SMARCA2: variants seen among roughly 807,000 people sequenced by gnomAD.
SMARCA2 encodes the protein SWI/SNF-related matrix-associated actin-dependent regulator of chromatin subfamily A member 2.
Under a neutral mutation model 199.8 loss-of-function variants are expected in SMARCA2, and 61 were observed. That is an observed-to-expected ratio of 0.31 (90% confidence interval 0.25 to 0.38). SMARCA2 has a LOEUF of 0.38. SMARCA2 is among the 10% of genes least tolerant of loss of function. SMARCA2 has a pLI of 1.00. For synonymous variants in SMARCA2, 935 were observed against 732.0 expected (o/e 1.28, Z -4.48); for missense variants, 1,344 against 2,012.2 (o/e 0.67, Z 6.35).
In SMARCA2 at chr9:2,081,818, A is replaced by T. The variant is rs1390156265; in HGVS notation, c.2185-14A>T. On this transcript the variant is annotated splice_polypyrimidine_tract_variant and intron_variant, in intron 14 of 33. Transcript: ENST00000349721. The stretch of plus-strand genomic sequence containing the variant: ...CAGATCTTGGATAATTGAAGCAATT[A>T]CTCTTCATTTCAGCTCCAGGGCCTG... 2 of 1,611,660 alleles carry T rather than the reference A, an allele frequency of 1.2e-6. No homozygotes were observed. The highest frequency in any genetic ancestry group is 1.7e-6 in the Non-Finnish European group (2 of 1,178,476).
At position 2,186,078 on chromosome 9, in the gene SMARCA2, G is replaced by T. The variant is rs2129940248; in HGVS notation, c.4462-18G>T. On this transcript the variant is annotated intron_variant, in intron 31 of 33. Coordinates refer to ENST00000349721, the MANE Select transcript of SMARCA2 (RefSeq NM_003070.5). ...AACTCAGCTTGCAGTTTTAACAGATGCCCCTTTGACCATTTAGATCTATGA... is the reference window on the plus strand; with the variant it reads ...AACTCAGCTTGCAGTTTTAACAGATTCCCCTTTGACCATTTAGATCTATGA... 6.2e-7 allele frequency: 1 copy of T among 1,611,084 alleles called. No homozygotes were observed. Among genetic ancestry groups the T allele is most frequent in the East Asian group, 2.2e-5 (1 of 44,768 alleles).
At position 2,067,580 on chromosome 9, in the gene SMARCA2, C is replaced by T. The variant is rs962175144; in HGVS notation, c.1693-2838C>T. Among the ~76,000 whole-genome samples, 25 of 152,134 alleles carry T rather than the reference C, an allele frequency of 1.6e-4. 1 individual carries two copies. Among genetic ancestry groups the T allele is most frequent in the Admixed American group, 1.3e-3 (20 of 15,278 alleles). The stretch of plus-strand genomic sequence containing the variant: ...AATAGTGACCCAGTCCTGCAGAAGC[C>T]CTAGGAAGCAGGCACTGTTTGTTAC... On this transcript the variant is annotated intron_variant, in intron 9 of 33. Transcript: ENST00000349721.
intron 27 of SMARCA2, among the ~76,000 whole-genome samples, chr9:2,136,966 C>T (rs59776351): frequency 0.074 from 11,204 of 152,174 alleles, 1,373 homozygotes; most frequent in African/African-American, 0.26. Flanking sequence ...GGGCCACTGC[C>T]TCTTTGGCCA....
intron 6 of SMARCA2, among the ~76,000 whole-genome samples, chr9:2,055,989 TCAGATG>T (rs1820336469): frequency 6.6e-6 from 1 of 152,232 alleles, no homozygotes; most frequent in African/African-American, 2.4e-5. Flanking sequence ...TAATGATATT[TCAGATG>T]CAGTGGAATG....
intron 2 of SMARCA2, among the ~76,000 whole-genome samples, chr9:2,030,726 C>G (rs1007922705): frequency 6.6e-6 from 1 of 152,026 alleles, no homozygotes; most frequent in Non-Finnish European, 1.5e-5. Context: ...GAGGCCCAGT[C>G]AAGTTGACAC....
At chr9:2,177,669 C>T (rs1006903734) in intron 29 of SMARCA2, among the ~76,000 whole-genome samples, 1 of 152,146 alleles carries the variant, frequency 6.6e-6, no homozygotes, top group Non-Finnish European at 1.5e-5. Context: ...TCTCCTGCCT[C>T]AGCCTCCCTA....
At chr9:2,041,887 C>A (rs1281825363) in intron 4 of SMARCA2, 1 of 152,398 alleles carries the variant, frequency 6.6e-6, no homozygotes, top group Non-Finnish European at 1.5e-5. Flanking sequence ...CCCTGAGTGC[C>A]TGCTGGCCTA....
At chr9:2,062,953 T>G (rs1310227596) in intron 9 of SMARCA2, among the ~76,000 whole-genome samples, 1 of 152,142 alleles carries the variant, frequency 6.6e-6, no homozygotes, top group Non-Finnish European at 1.5e-5. Flanking sequence ...CCTGATTTCT[T>G]GGCAAACGCG....
At chr9:2,120,117 G>A (rs1016692516) in intron 26 of SMARCA2, among the ~76,000 whole-genome samples, 3 of 152,202 alleles carry the variant, frequency 2.0e-5, no homozygotes, top group East Asian at 1.9e-4. Flanking sequence ...TTCAAGGTGT[G>A]CATAAAGGTG....
In SMARCA2 at chr9:2,029,064, G is replaced by A; in HGVS notation, c.42G>A (p.Gly14=). The A allele has an allele frequency of 6.4e-7, 1 of 1,559,828 alleles. No individual in the cohort carries two copies. The highest frequency in any genetic ancestry group is 8.7e-7 in the Non-Finnish European group (1 of 1,151,066). ...ACCCTGGTGCGATGCCCCACCCAGGGCCTTCGCCGGGGCCTGGGCCTTCCC... is the reference window on the plus strand; with the variant it reads ...ACCCTGGTGCGATGCCCCACCCAGGACCTTCGCCGGGGCCTGGGCCTTCCC... ...PTDPGAMPHP[G]PSPGPGPSPG... The change falls in exon 2 of 34, where the codon GGG becomes GGA. Residue 14 remains glycine (G), a synonymous_variant. Transcript: ENST00000349721.
At chr9:2,171,467 T>C (rs13300064) in intron 29 of SMARCA2, among the ~76,000 whole-genome samples, 12,229 of 152,290 alleles carry the variant, frequency 0.08, 585 homozygotes, top group East Asian at 0.16. Context: ...TTTATACTTA[T>C]ACTTATCCAT....
At chr9:2,050,977 A>G (rs1029266699) in intron 5 of SMARCA2, among the ~76,000 whole-genome samples, 6 of 152,238 alleles carry the variant, frequency 3.9e-5, no homozygotes, top group African/African-American at 1.4e-4. Flanking sequence ...TGAGGACGCT[A>G]AATGAGTCCC....
At chr9:2,084,417 T>TGTGTGTGTGTGTGTGTG (rs3834888) in intron 17 of SMARCA2, among the ~76,000 whole-genome samples, 1 of 147,686 alleles carries the variant, frequency 6.8e-6, no homozygotes, top group African/African-American at 2.5e-5. Flanking sequence ...TGTGTGTGTG[T>TGTGTGTGTGTGTGTGTG]TTATGATTGA....
chr9:2,115,653 C>T lies in SMARCA2; in HGVS notation c.3457-169C>T, dbSNP rs536158765. ...CCCAGGTTTCTTCAACTAGGAATGA[C>T]ACTGAATTTTTCCAAACGTAGCTTG... On this transcript the variant is annotated intron_variant, in intron 24 of 33. Coordinates refer to ENST00000349721, the MANE Select transcript of SMARCA2 (RefSeq NM_003070.5). This position sits in a 1 kb window ranked among gnomAD's most constrained non-coding sequence, Gnocchi z 6.0. 3.9e-5 allele frequency among the ~76,000 whole-genome samples: 6 copies of T among 152,258 alleles called. No individual in the cohort carries two copies. In the South Asian group the frequency reaches 1.2e-3, roughly 32 times the overall value.
chr9:2,184,743 C>CCTTTCTAAA (rs1827312272), intron 31 of SMARCA2, among the ~76,000 whole-genome samples: 1 of 152,048 alleles, frequency 6.6e-6, no homozygotes, highest in Non-Finnish European at 1.5e-5. Flanking sequence ...CATTTGTTTT[C>CCTTTCTAAA]CTTTCTAAAA....
chr9:2,182,958 T>C (rs1827162558), intron 31 of SMARCA2, among the ~76,000 whole-genome samples: 1 of 151,580 alleles, frequency 6.6e-6, no homozygotes, highest in Non-Finnish European at 1.5e-5. Context: ...GCCAGGCAAA[T>C]TTTTGTATTT....
intron 27 of SMARCA2, among the ~76,000 whole-genome samples, chr9:2,153,085 G>C (rs1487728267): frequency 6.6e-6 from 1 of 152,122 alleles, no homozygotes; most frequent in Non-Finnish European, 1.5e-5. Flanking sequence ...CAAAGTCACA[G>C]TAAAGGAACT....
intron 33 of SMARCA2, 80 bp from the exon 34 acceptor site, chr9:2,192,624 C>T (rs368478206): frequency 4.3e-5 from 41 of 952,126 alleles, no homozygotes; most frequent in Middle Eastern, 4.5e-4. Context: ...TTCCTACTGG[C>T]CTCTTGATGG....
chr9:2,142,215 T>C (rs1434543205), intron 27 of SMARCA2, among the ~76,000 whole-genome samples: 4 of 152,236 alleles, frequency 2.6e-5, no homozygotes, highest in African/African-American at 7.2e-5. Flanking sequence ...CAATCTTTTT[T>C]ACTTTGTCAA....
Sources: allele counts gnomAD v4.1 joint callset (sites outside exome capture counted in the v4.1 genomes callset), GRCh38; gene constraint gnomAD v4.1.1; non-coding constraint Gnocchi (gnomAD v3.1); transcripts MANE v1.5; gene names NCBI Gene and HGNC (gene_info 2026-07-23, HGNC 2026-07-21).